ZNF730: variants seen among roughly 807,000 people sequenced by gnomAD.
ZNF730 encodes the protein putative zinc finger protein 730.
Under a neutral mutation model 12.6 loss-of-function variants are expected in ZNF730, and 12 were observed. The observed-to-expected ratio is 0.95, with a 90% confidence interval of 0.61 to 1.54. The LOEUF (loss-of-function observed/expected upper bound fraction) is 1.54. Among genes scored for constraint, ZNF730 ranks in the 40% most tolerant of loss-of-function variants. ZNF730 has a pLI of 0.00. For missense variants in ZNF730, 643 were observed against 583.5 expected (o/e 1.10, Z -1.05); for synonymous variants, 194 against 195.8 (o/e 0.99, Z 0.08).
At chr19:23,089,151 G>T (rs371135779) in intron 1 of ZNF730, among the ~76,000 whole-genome samples, 4 of 152,054 alleles carry the variant, frequency 2.6e-5, no homozygotes, top group Non-Finnish European at 4.4e-5. Context: ...GCTTACAGGC[G>T]TGAGCCACCG....
chr19:23,122,828 T>C (rs577304663), intron 1 of ZNF730, among the ~76,000 whole-genome samples: 51 of 152,322 alleles, frequency 3.3e-4, no homozygotes, highest in South Asian at 8.3e-4. Flanking sequence ...ACTCTTGAAA[T>C]ATAAAGTGTT....
At chr19:23,078,613 CGGTGCTGGCACG>C (rs1431674585) in intron 1 of ZNF730, among the ~76,000 whole-genome samples, 1 of 152,090 alleles carries the variant, frequency 6.6e-6, no homozygotes, top group African/African-American at 2.4e-5. Context: ...ACTCAGAGAC[CGGTGCTGGCACG>C]GGTCCTCCAC....
chr19:23,089,670 A>AT (rs1481480243), intron 1 of ZNF730, among the ~76,000 whole-genome samples: 3 of 152,190 alleles, frequency 2.0e-5, no homozygotes, highest in Non-Finnish European at 4.4e-5. Context: ...GCCATGTGGA[A>AT]TTGTAAGTCC....
At chr19:23,100,893 A>T (rs1007009127) in intron 1 of ZNF730, among the ~76,000 whole-genome samples, 1 of 151,996 alleles carries the variant, frequency 6.6e-6, no homozygotes, top group African/African-American at 2.4e-5. Flanking sequence ...TGACCTCGTG[A>T]TCTGCCCACC....
chr19:23,079,869 TTGAC>T (rs1432424281), intron 1 of ZNF730, among the ~76,000 whole-genome samples: 6 of 152,174 alleles, frequency 3.9e-5, no homozygotes, highest in African/African-American at 1.4e-4. Flanking sequence ...GTCTCTTTTT[TTGAC>T]TATTTTATTT....
intron 1 of ZNF730, among the ~76,000 whole-genome samples, chr19:23,107,785 A>T (rs955450566): frequency 5.3e-5 from 8 of 152,236 alleles, no homozygotes; most frequent in African/African-American, 1.7e-4. Context: ...GAACACACTC[A>T]GGACAAGATC....
upstream of ZNF730, among the ~76,000 whole-genome samples, chr19:23,116,325 T>TTTTCTTTTCTTTTCTTTTC (rs755848287): frequency 0.021 from 453 of 21,362 alleles, 5 homozygotes; most frequent in African/African-American, 0.035. Context: ...TTTTCTTTTC[T>TTTTCTTTTCTTTTCTTTTC]TTCTTTCTTT....
chr19:23,101,012 C>A (rs966679673), intron 1 of ZNF730, among the ~76,000 whole-genome samples: 1 of 152,092 alleles, frequency 6.6e-6, no homozygotes, highest in African/African-American at 2.4e-5. Flanking sequence ...CTGGACTAAA[C>A]CAATAGTTTA....
At position 23,082,882 on chromosome 19, in the gene ZNF730, G is replaced by C. The variant is rs1397225232; in HGVS notation, c.-94+7495G>C. Among the ~76,000 whole-genome samples the C allele has an allele frequency of 2.0e-5, 3 of 151,822 alleles. No individual in the cohort carries two copies. In the East Asian group the frequency reaches 5.8e-4, roughly 30 times the overall value. ...ATGCCCAACTAATTTTGTGTTTTTA[G>C]GGGACGGGGTTTCTGCACGTTGGTC... On this transcript the variant is annotated intron_variant, in intron 1 of 2. Transcript: ENST00000593635.
chr19:23,126,627 G>T (rs1003901416), intron 1 of ZNF730: 39 of 499,828 alleles, frequency 7.8e-5, no homozygotes, highest in Non-Finnish European at 1.2e-4. Context: ...GTTACCCTTT[G>T]CATGCTTCAG....
intron 1 of ZNF730, among the ~76,000 whole-genome samples, chr19:23,131,022 GAA>G (rs777533752): frequency 4.3e-4 from 65 of 152,244 alleles, no homozygotes; most frequent in Middle Eastern, 3.4e-3. Flanking sequence ...AGATAAATGA[GAA>G]ATATAAAGTA....
chr19:23,080,912 C>G (rs1461337694), intron 1 of ZNF730, among the ~76,000 whole-genome samples: 1 of 143,080 alleles, frequency 7.0e-6, no homozygotes. Context: ...GTGGCACAAT[C>G]TCGGTTTACT....
chr19:23,132,138 A>G (rs554078551), intron 1 of ZNF730, among the ~76,000 whole-genome samples: 2 of 152,332 alleles, frequency 1.3e-5, no homozygotes, highest in South Asian at 4.1e-4. Context: ...CTTCTGTTAT[A>G]AAGGACAGAA....
rs1354944561 is a variant in ZNF730 at position 23,136,061 on chromosome 19, C to G, written c.226+18C>G. 2 of 1,543,052 alleles carry G rather than the reference C, an allele frequency of 1.3e-6. No individual in the cohort carries two copies. Among genetic ancestry groups the G allele is most frequent in the Non-Finnish European group, 8.7e-7 (1 of 1,143,258 alleles). On this transcript the variant is annotated intron_variant, in intron 3 of 3. Transcript: ENST00000597761. ...ACCCCCAGGTAGGTGACAGTAAATA[C>G]AATACACAAAACTGATAAGAGATCT...
chr19:23,099,502 T>C (rs1472917337), intron 1 of ZNF730, among the ~76,000 whole-genome samples: 7 of 152,160 alleles, frequency 4.6e-5, no homozygotes, highest in African/African-American at 2.4e-5. Context: ...GAATCTCACA[T>C]TGGGAGGCAG....
chr19:23,100,995 C>T (rs1970330056), intron 1 of ZNF730, among the ~76,000 whole-genome samples: 1 of 152,130 alleles, frequency 6.6e-6, no homozygotes, highest in Admixed American at 6.5e-5. Context: ...GGTGAGGACT[C>T]TCCTATCTGG....
At chr19:23,112,995 T>C (rs941936311), upstream of ZNF730, among the ~76,000 whole-genome samples, 1 of 152,244 alleles carries the variant, frequency 6.6e-6, no homozygotes, top group African/African-American at 2.4e-5. Flanking sequence ...TAGGGCTTTA[T>C]AGCAGATTGC....
chr19:23,106,531 CCTG>C (rs764215052), intron 1 of ZNF730, among the ~76,000 whole-genome samples: 108 of 152,060 alleles, frequency 7.1e-4, no homozygotes, highest in Admixed American at 1.8e-3. Flanking sequence ...GTTGCTCATG[CCTG>C]TAATCCCAGC....
intron 3 of ZNF730, among the ~76,000 whole-genome samples, chr19:23,141,439 C>T (rs949144300): frequency 1.3e-5 from 2 of 151,692 alleles, no homozygotes; most frequent in African/African-American, 4.8e-5. Flanking sequence ...TGGTGTTGTG[C>T]ACCTGTTATC....
Sources: gnomAD v4.1 joint callset for allele counts (sites outside exome capture counted in the v4.1 genomes callset) on GRCh38, gnomAD v4.1.1 for gene constraint, MANE v1.5 for transcripts, NCBI Gene and HGNC (gene_info 2026-07-23, HGNC 2026-07-21) for gene names.